GRID2: variants seen among roughly 807,000 people sequenced by gnomAD.
GRID2 encodes the protein glutamate ionotropic receptor delta type subunit 2.
A neutral mutation model predicts 114.8 loss-of-function variants in GRID2; 33 were observed. That is an observed-to-expected ratio of 0.29 (90% CI 0.22 to 0.38). The LOEUF is 0.38. Ranked by LOEUF, GRID2 falls within the 10% of genes least tolerant of loss-of-function variation. GRID2 has a pLI of 1.00. For missense variants in GRID2, 1,184 were observed against 1,257.7 expected, an observed-to-expected ratio of 0.94 and a Z score of 0.89; for synonymous variants, 505 against 449.9, an observed-to-expected ratio of 1.12 and a Z score of -1.55.
At chr4:93,614,541 A>AT (rs1741387729) in intron 13 of GRID2, among the ~76,000 whole-genome samples, 1 of 152,098 alleles carries the variant, frequency 6.6e-6, no homozygotes, top group African/African-American at 2.4e-5. Flanking sequence ...TGAAATAGTC[A>AT]TTTATTTAAA....
intron 2 of GRID2, among the ~76,000 whole-genome samples, chr4:92,758,119 G>A (rs1372009403): frequency 1.3e-5 from 2 of 152,042 alleles, no homozygotes; most frequent in Non-Finnish European, 2.9e-5. Context: ...TAAACATGGA[G>A]GTAGATTGGT....
At chr4:92,825,126 G>A (rs924302563) in intron 2 of GRID2, among the ~76,000 whole-genome samples, 5 of 151,896 alleles carry the variant, frequency 3.3e-5, no homozygotes, top group African/African-American at 9.7e-5. Context: ...GCAAACAATC[G>A]TCCACCTCTT....
At chr4:92,340,218 C>G (rs1296468718) in intron 1 of GRID2, among the ~76,000 whole-genome samples, 1 of 152,084 alleles carries the variant, frequency 6.6e-6, no homozygotes, top group Non-Finnish European at 1.5e-5. Flanking sequence ...CCCACCTCAC[C>G]CCCATCATCT....
chr4:93,240,660 C>T (rs1323219037), intron 8 of GRID2, among the ~76,000 whole-genome samples: 1 of 151,284 alleles, frequency 6.6e-6, no homozygotes, highest in East Asian at 1.9e-4. Flanking sequence ...TAAGAAATTA[C>T]TCCCTATCCC....
intron 10 of GRID2, among the ~76,000 whole-genome samples, chr4:93,434,939 A>G (rs1262454376): frequency 6.6e-6 from 1 of 152,030 alleles, no homozygotes; most frequent in Non-Finnish European, 1.5e-5. Context: ...ATCTGCCTAA[A>G]ATGATATTTC....
intron 1 of GRID2, among the ~76,000 whole-genome samples, chr4:92,539,787 G>GA (rs564199489): frequency 1.1e-3 from 170 of 152,134 alleles, no homozygotes; most frequent in Admixed American, 6.0e-3. Flanking sequence ...CGTAAAAAGT[G>GA]AAAAAATGAA....
At chr4:92,409,545 C>A (rs1731196141) in intron 1 of GRID2, among the ~76,000 whole-genome samples, 1 of 152,072 alleles carries the variant, frequency 6.6e-6, no homozygotes, top group Non-Finnish European at 1.5e-5. Context: ...CCATTTCAGA[C>A]ATATATTTCT....
At chr4:93,219,389 C>A (rs993498490) in intron 6 of GRID2, among the ~76,000 whole-genome samples, 1 of 152,014 alleles carries the variant, frequency 6.6e-6, no homozygotes, top group Non-Finnish European at 1.5e-5. Context: ...CTAATCTTAC[C>A]TGAAACAATA....
At chr4:92,739,637 A>G (rs1317559600) in intron 2 of GRID2, among the ~76,000 whole-genome samples, 1 of 152,196 alleles carries the variant, frequency 6.6e-6, no homozygotes, top group African/African-American at 2.4e-5. Flanking sequence ...TATGAATTTC[A>G]GTTTACCATG....
intron 13 of GRID2, among the ~76,000 whole-genome samples, chr4:93,540,465 C>G (rs917021616): frequency 6.6e-6 from 1 of 152,008 alleles, no homozygotes; most frequent in South Asian, 2.1e-4. Context: ...ATTGGCAGCT[C>G]TGAAAAACAA....
intron 2 of GRID2, among the ~76,000 whole-genome samples, chr4:92,931,986 C>T (rs1189536663): frequency 1.3e-5 from 2 of 150,960 alleles, no homozygotes; most frequent in African/African-American, 4.8e-5. Context: ...AAATCACCAA[C>T]CTAACCTAAA....
chr4:92,530,804 G>A (rs1024420214), intron 1 of GRID2, among the ~76,000 whole-genome samples: 13 of 151,810 alleles, frequency 8.6e-5, no homozygotes, highest in African/African-American at 2.9e-4. Context: ...CTACTCAGGA[G>A]GCTGAGGCAG....
intron 2 of GRID2, among the ~76,000 whole-genome samples, chr4:92,773,496 G>T (rs1329890971): frequency 6.6e-6 from 1 of 152,038 alleles, no homozygotes; most frequent in East Asian, 1.9e-4. Context: ...TTACACATTT[G>T]AAGATACTTC....
chr4:92,683,171 C>T (rs546247628), intron 2 of GRID2, among the ~76,000 whole-genome samples: 26 of 152,028 alleles, frequency 1.7e-4, no homozygotes, highest in African/African-American at 5.5e-4. Flanking sequence ...TGGTGGCGGG[C>T]GCCTGTAGTC....
At chr4:92,930,645 A>G (rs1750163052) in intron 2 of GRID2, among the ~76,000 whole-genome samples, 2 of 149,588 alleles carry the variant, frequency 1.3e-5, no homozygotes, top group Non-Finnish European at 3.0e-5. Context: ...AAGCATCAAA[A>G]GACTTATAAA....
chr4:93,139,562 A>G (rs1338673750), intron 4 of GRID2, among the ~76,000 whole-genome samples: 1 of 152,178 alleles, frequency 6.6e-6, no homozygotes, highest in Non-Finnish European at 1.5e-5. Flanking sequence ...ATACTGTCCT[A>G]TTATAACACT....
intron 4 of GRID2, among the ~76,000 whole-genome samples, chr4:93,158,623 C>CCACA (rs138037468): frequency 6.6e-6 from 1 of 151,290 alleles, no homozygotes; most frequent in Non-Finnish European, 1.5e-5. Flanking sequence ...GATTTTAAAA[C>CCACA]CACACACACA....
intron 4 of GRID2, among the ~76,000 whole-genome samples, chr4:93,156,444 C>A (rs1434104236): frequency 6.6e-6 from 1 of 151,542 alleles, no homozygotes; most frequent in Non-Finnish European, 1.5e-5. Context: ...GAACAATAAT[C>A]CAGTTCAAAT....
chr4:93,031,181 G>T (rs1724396462), intron 2 of GRID2, among the ~76,000 whole-genome samples: 1 of 151,684 alleles, frequency 6.6e-6, no homozygotes, highest in South Asian at 2.1e-4. Flanking sequence ...GAGTAGCTGG[G>T]ACTATAGGCA....
Sources: allele counts gnomAD v4.1 joint callset (sites outside exome capture counted in the v4.1 genomes callset), GRCh38; gene constraint gnomAD v4.1.1; transcripts MANE v1.5; gene names NCBI Gene and HGNC (gene_info 2026-07-23, HGNC 2026-07-21).